Variants in TRAM1 observed in about 807,000 individuals in gnomAD.
TRAM1 encodes translocation associated membrane protein 1.
A neutral mutation model predicts 48.7 loss-of-function variants in TRAM1; 17 were observed. That is an observed-to-expected ratio of 0.35 (90% CI 0.24 to 0.52). The LOEUF is 0.52. TRAM1 is among the 20% of genes least tolerant of loss of function. The pLI is 0.94. For synonymous variants in TRAM1, 182 were observed against 154.0 expected (o/e 1.18, Z -1.34); for missense variants, 351 against 441.5 (o/e 0.79, Z 1.84).
chr8:70,601,940 T>C (rs1817614457), intron 1 of TRAM1, among the ~76,000 whole-genome samples: 1 of 152,022 alleles, frequency 6.6e-6, no homozygotes, highest in South Asian at 2.1e-4. Context: ...GCTGTGAAAA[T>C]ACATAAATCA....
At chr8:70,594,263 C>A in intron 6 of TRAM1, among the ~76,000 whole-genome samples, 2 of 141,588 alleles carry the variant, frequency 1.4e-5, no homozygotes, top group East Asian at 2.1e-4. Context: ...AAGCCATTAA[C>A]ATATCAAATG....
At chr8:70,607,032 C>G in intron 1 of TRAM1, 9 of 885,168 alleles carry the variant, frequency 1.0e-5, no homozygotes, top group Non-Finnish European at 1.2e-5. Context: ...TCACTTGTTA[C>G]ATGCAGGAGA....
At chr8:70,592,879 A>T (rs1286147199) in intron 6 of TRAM1, among the ~76,000 whole-genome samples, 2 of 152,186 alleles carry the variant, frequency 1.3e-5, no homozygotes, top group Non-Finnish European at 2.9e-5. Flanking sequence ...AAGCACTTGA[A>T]ATGTGGCTAC....
rs1358013168 is a variant in TRAM1 at position 70,608,409 on chromosome 8, G to A, written c.-210C>T. ...ACACAACAGCTAGCCCGCAGCGGGG[G>A]CGAGCATGCGCACCAGGGAGACGAC... On this transcript the variant is annotated 5_prime_UTR_variant, in exon 1 of 11. Coordinates refer to ENST00000262213, the MANE Select transcript of TRAM1 (RefSeq NM_014294.6). 3 of 434,056 alleles carry A rather than the reference G, an allele frequency of 6.9e-6. No homozygotes were observed. The highest frequency in any genetic ancestry group is 2.1e-5 in the African/African-American group (1 of 47,032). The allele number at this position is 434,056 out of a possible 1,614,324, so 26.9% of individuals were successfully genotyped here. A position where few individuals can be genotyped will look rare whatever the true frequency, so the allele number is the denominator to read the frequency against.
intron 8 of TRAM1, 115 bp downstream of exon 8, chr8:70,586,780 C>A (rs529667740): frequency 7.4e-6 from 6 of 806,286 alleles, no homozygotes; most frequent in Middle Eastern, 2.8e-4. Context: ...TTATTTAAAG[C>A]GGCTACTGAT....
chr8:70,593,591 A>T (rs1817415532), intron 6 of TRAM1, among the ~76,000 whole-genome samples: 1 of 130,300 alleles, frequency 7.7e-6, no homozygotes, highest in Non-Finnish European at 1.8e-5. Flanking sequence ...TTCATATATG[A>T]GAATTAAAAA....
In TRAM1 at chr8:70,587,110, A is replaced by G. The variant is rs944276127; in HGVS notation, c.637T>C (p.Leu213=). ...CCATGAAATATCCCAACTCACTTCA[A>G]AAGGTAAGCTCCAGCAATGTGGAAG... ...YLFHIAGAYL[L]NLNHLGLVLL... is the part of the protein sequence containing the mutation. Residue 213 remains leucine, a synonymous_variant, in exon 7 of 11, where the codon TTG becomes CTG. Transcript: ENST00000262213. 20 of 1,614,014 alleles carry G rather than the reference A, an allele frequency of 1.2e-5. No homozygotes were observed. Among genetic ancestry groups the G allele is most frequent in the Non-Finnish European group, 1.6e-5 (19 of 1,179,926 alleles).
At chr8:70,577,665 C>T (rs1816986952) in intron 10 of TRAM1, among the ~76,000 whole-genome samples, 1 of 152,228 alleles carries the variant, frequency 6.6e-6, no homozygotes, top group Admixed American at 6.5e-5. Flanking sequence ...GGCTATAGCA[C>T]AAACAAGGCT....
intron 1 of TRAM1, among the ~76,000 whole-genome samples, chr8:70,606,193 CAT>C (rs1043851879): frequency 6.6e-6 from 1 of 152,094 alleles, no homozygotes; most frequent in Non-Finnish European, 1.5e-5. Flanking sequence ...AAATGTTTAA[CAT>C]TGGGTTTTTT....
At chr8:70,589,028 C>T (rs1436731756) in intron 6 of TRAM1, among the ~76,000 whole-genome samples, 2 of 152,202 alleles carry the variant, frequency 1.3e-5, no homozygotes, top group Admixed American at 6.5e-5. Context: ...TGTTTCAGTA[C>T]TGAGAGCTAC....
rs1034186170 is a variant in TRAM1 at position 70,583,871 on chromosome 8, G to A, written c.747-78C>T. On this transcript the variant is annotated intron_variant, in intron 8 of 10. Coordinates refer to ENST00000262213, the MANE Select transcript of TRAM1 (RefSeq NM_014294.6). The stretch of plus-strand genomic sequence containing the variant: ...TATTAGAAATTAGATTCCTAAGTTG[G>A]GCGTGGTGGCAGACGCCTGTAATCC... 7 of 1,471,562 alleles carry A rather than the reference G, an allele frequency of 4.8e-6. No individual in the cohort carries two copies. In the African/African-American group the frequency reaches 1.0e-4, roughly 21 times the overall value. 91.2% of individuals were successfully genotyped at this position (1,471,562 alleles called of 1,614,324 possible). A position where few individuals can be genotyped will look rare whatever the true frequency, so the allele number is the denominator to read the frequency against.
chr8:70,598,200 A>G lies in TRAM1; in HGVS notation c.243T>C (p.Ala81=), dbSNP rs1817532757. 3 of 1,613,386 alleles carry G rather than the reference A, an allele frequency of 1.9e-6. No homozygotes were observed. The highest frequency in any genetic ancestry group is 1.1e-5 in the South Asian group (1 of 91,008). Reference sequence around the variant, plus strand: ...CCACTAGCATGTAGAAGAAAACAGTAGCCAAATCTTTGATGCCATAGTAAT... The same window carrying G: ...CCACTAGCATGTAGAAGAAAACAGTGGCCAAATCTTTGATGCCATAGTAAT... ...SLYYYGIKDL[A]TVFFYMLVAI... The change falls in exon 3 of 11, where the codon GCT becomes GCC. Residue 81 remains alanine, a synonymous_variant. Transcript: ENST00000262213.
At chr8:70,607,383 G>A (rs1028853652) in intron 1 of TRAM1, 2 of 985,308 alleles carry the variant, frequency 2.0e-6, no homozygotes, top group African/African-American at 3.5e-5. Flanking sequence ...TAAAGCGTCA[G>A]GGCAAAAAGT....
chr8:70,584,372 C>T lies in TRAM1; in HGVS notation c.747-579G>A, dbSNP rs541397517. Among the ~76,000 whole-genome samples the T allele has an allele frequency of 2.6e-5, 4 of 152,264 alleles. No individual in the cohort carries two copies. In the East Asian group the frequency reaches 7.7e-4, roughly 29 times the overall value. ...CATTTAAGAGTCCCAGTTTTTGGCACAAGACAGGGATGGCCTCTCTCACCA... is the reference window on the plus strand; with the variant it reads ...CATTTAAGAGTCCCAGTTTTTGGCATAAGACAGGGATGGCCTCTCTCACCA... On this transcript the variant is annotated intron_variant, in intron 8 of 10. Coordinates refer to ENST00000262213, the MANE Select transcript of TRAM1 (RefSeq NM_014294.6).
intron 1 of TRAM1, chr8:70,607,825 A>T: frequency 3.2e-6 from 1 of 313,592 alleles, no homozygotes; most frequent in Non-Finnish European, 5.7e-6. Flanking sequence ...GAAGGGGGCG[A>T]CGCGGCGGTC....
At position 70,574,731 on chromosome 8, in the gene TRAM1, T is replaced by TTAGTC. The variant is rs1374917387; in HGVS notation, c.*196_*200dup. 2.2e-6 allele frequency: 1 copy of TTAGTC among 445,424 alleles called. No individual in the cohort carries two copies. Among genetic ancestry groups the TTAGTC allele is most frequent in the East Asian group, 4.1e-5 (1 of 24,260 alleles). The allele number at this position is 445,424 out of a possible 1,614,324, so 27.6% of individuals were successfully genotyped here. On this transcript the variant is annotated 3_prime_UTR_variant, in exon 11 of 11. Transcript: ENST00000262213. ...CTAAACTATTTTGAAGGCAGGTAGC[T>TTAGTC]TAGTCTAAGCTAAAATATTTTTTTC...
chr8:70,599,875 A>G (rs1817567985), intron 2 of TRAM1, 144 bp downstream of exon 2: 1 of 663,236 alleles, frequency 1.5e-6, no homozygotes. Flanking sequence ...CTTGTATTAT[A>G]AAATCATCAC....
At chr8:70,586,066 A>G (rs1450491260) in intron 8 of TRAM1, among the ~76,000 whole-genome samples, 1 of 151,462 alleles carries the variant, frequency 6.6e-6, no homozygotes, top group Non-Finnish European at 1.5e-5. Context: ...AATGTGGCAC[A>G]TATACACCAT....
At chr8:70,596,543 A>T (rs1474054739) in intron 4 of TRAM1, among the ~76,000 whole-genome samples, 1 of 152,194 alleles carries the variant, frequency 6.6e-6, no homozygotes, top group Non-Finnish European at 1.5e-5. Flanking sequence ...GGAATCAGGT[A>T]AGACATAATT....
Sources: gnomAD v4.1 joint callset for allele counts (sites outside exome capture counted in the v4.1 genomes callset) on GRCh38, gnomAD v4.1.1 for gene constraint, MANE v1.5 for transcripts, NCBI Gene and HGNC (gene_info 2026-07-23, HGNC 2026-07-21) for gene names.